Variants in MYRIP observed in about 807,000 individuals in gnomAD.
MYRIP encodes the protein rab effector MyRIP.
In MYRIP, 49 loss-of-function variants were observed where a neutral mutation model predicts 98.0. The ratio of observed to expected loss-of-function variants is 0.50; its 90% CI spans 0.40 to 0.63. MYRIP has a LOEUF of 0.63. Among genes scored for constraint, MYRIP ranks in the 30% least tolerant of loss-of-function variants. The pLI is 0.00. For synonymous variants in MYRIP, 404 were observed against 409.5 expected (o/e 0.99, Z 0.16); for missense variants, 1,004 against 1,058.2 (o/e 0.95, Z 0.71).
intron 2 of MYRIP, among the ~76,000 whole-genome samples, chr3:40,001,902 C>T (rs1170619867): frequency 6.6e-6 from 1 of 152,148 alleles, no homozygotes. Context: ...ACTGGTTAGA[C>T]ATCGTGGGTG....
intron 2 of MYRIP, among the ~76,000 whole-genome samples, chr3:40,004,926 C>G (rs1946600272): frequency 6.6e-6 from 1 of 152,082 alleles, no homozygotes; most frequent in Non-Finnish European, 1.5e-5. Flanking sequence ...GTTCTTCAAC[C>G]CTTGCCCCCT....
chr3:40,205,516 G>A (rs1389165062), intron 10 of MYRIP, among the ~76,000 whole-genome samples: 3 of 152,114 alleles, frequency 2.0e-5, no homozygotes, highest in Non-Finnish European at 4.4e-5. Context: ...ATAAGGTGGG[G>A]AGTTTGAGAC....
intron 2 of MYRIP, among the ~76,000 whole-genome samples, chr3:39,989,351 T>C (rs1477759169): frequency 6.6e-6 from 1 of 152,158 alleles, no homozygotes; most frequent in East Asian, 1.9e-4. Flanking sequence ...TTCATTCCCA[T>C]GCCTGGAGAT....
In MYRIP at chr3:40,009,237, C is replaced by CTTTT. The variant is rs553315704; in HGVS notation, c.111-34799_111-34796dup. On this transcript the variant is annotated intron_variant, in intron 2 of 16. Coordinates refer to ENST00000302541, the MANE Select transcript of MYRIP (RefSeq NM_015460.4). ...GTGGAGGGATGACAAACTGCTACTT[C>CTTTT]TTTTTTTTTTTTTTTTTGAGACGGA... Among the ~76,000 whole-genome samples the CTTTT allele has an allele frequency of 4.4e-3, 609 of 139,216 alleles. 12 individuals are homozygous for CTTTT. The highest frequency in any genetic ancestry group is 0.015 in the African/African-American group (565 of 37,328). The allele number at this position is 139,216 out of a possible 152,430, so 91.3% of individuals were successfully genotyped here.
chr3:40,060,851 C>T (rs778892346), intron 3 of MYRIP, among the ~76,000 whole-genome samples: 1 of 152,082 alleles, frequency 6.6e-6, no homozygotes, highest in Non-Finnish European at 1.5e-5. Context: ...CCTCGGCCTC[C>T]CAAAGTGCTG....
chr3:40,201,996 T>C (rs1211023020), intron 10 of MYRIP, among the ~76,000 whole-genome samples: 2 of 152,160 alleles, frequency 1.3e-5, no homozygotes, highest in African/African-American at 4.8e-5. Flanking sequence ...TGAACAGCTG[T>C]GCCAAAGGAT....
chr3:40,025,996 G>A (rs1398845288), intron 2 of MYRIP, among the ~76,000 whole-genome samples: 2 of 152,120 alleles, frequency 1.3e-5, no homozygotes, highest in African/African-American at 4.8e-5. Flanking sequence ...TTCGAGAGCA[G>A]AGAACCAGTC....
chr3:39,867,441 C>T (rs1942658235), intron 1 of MYRIP, among the ~76,000 whole-genome samples: 1 of 151,538 alleles, frequency 6.6e-6, no homozygotes, highest in South Asian at 2.1e-4. Flanking sequence ...TTTTAATATC[C>T]AAAAATATAA....
intron 2 of MYRIP, among the ~76,000 whole-genome samples, chr3:40,038,096 G>A (rs1037583117): frequency 5.3e-5 from 8 of 150,724 alleles, no homozygotes; most frequent in Admixed American, 4.0e-4. Flanking sequence ...TGAATACCAA[G>A]GAATTTATTT....
chr3:39,990,818 C>T (rs1413226211), intron 2 of MYRIP, among the ~76,000 whole-genome samples: 1 of 152,166 alleles, frequency 6.6e-6, no homozygotes. Flanking sequence ...TTTGCAGGCA[C>T]ATGGCAAACT....
At chr3:40,109,132 T>A (rs1949109764) in intron 3 of MYRIP, among the ~76,000 whole-genome samples, 2 of 152,210 alleles carry the variant, frequency 1.3e-5, no homozygotes, top group African/African-American at 4.8e-5. Context: ...CTTTTTTTTA[T>A]TATTATACTT....
At chr3:40,203,704 T>TTTTATATATTTTTATATA (rs1951640383) in intron 10 of MYRIP, among the ~76,000 whole-genome samples, 2 of 124,168 alleles carry the variant, frequency 1.6e-5, no homozygotes, top group South Asian at 4.7e-4. Context: ...TATTTTTATA[T>TTTTATATATTTTTATATA]TTTATATATT....
chr3:40,010,704 C>T (rs1229831671), intron 2 of MYRIP, among the ~76,000 whole-genome samples: 2 of 152,160 alleles, frequency 1.3e-5, no homozygotes, highest in African/African-American at 2.4e-5. Flanking sequence ...TATGGTTGCT[C>T]TAAGCTGCCA....
intron 3 of MYRIP, among the ~76,000 whole-genome samples, chr3:40,059,977 C>T (rs942674735): frequency 6.6e-6 from 1 of 152,116 alleles, no homozygotes. Flanking sequence ...ATGGGTTGGG[C>T]CCTTACAGTG....
intron 1 of MYRIP, among the ~76,000 whole-genome samples, chr3:39,817,826 T>C (rs1230075014): frequency 2.0e-5 from 3 of 152,194 alleles, no homozygotes; most frequent in East Asian, 1.9e-4. Flanking sequence ...TGTATCCTCT[T>C]GTTTTTTTCC....
intron 1 of MYRIP, among the ~76,000 whole-genome samples, chr3:39,855,639 A>C (rs1942265055): frequency 6.6e-6 from 1 of 151,980 alleles, no homozygotes; most frequent in Admixed American, 6.6e-5. Context: ...TGGTAGCAGG[A>C]GGCTTCACCC....
chr3:40,027,430 TC>T (rs1947158239), intron 2 of MYRIP, among the ~76,000 whole-genome samples: 1 of 151,924 alleles, frequency 6.6e-6, no homozygotes, highest in Non-Finnish European at 1.5e-5. Flanking sequence ...TCCTCCTGTC[TC>T]CCCCCAATAC....
At chr3:39,887,051 A>T (rs1943325661) in intron 1 of MYRIP, among the ~76,000 whole-genome samples, 4 of 151,986 alleles carry the variant, frequency 2.6e-5, no homozygotes, top group Admixed American at 2.6e-4. Context: ...AAAACCACTC[A>T]ACTACATGGA....
At chr3:40,098,236 T>C (rs1948868223) in intron 3 of MYRIP, among the ~76,000 whole-genome samples, 1 of 152,220 alleles carries the variant, frequency 6.6e-6, no homozygotes, top group Non-Finnish European at 1.5e-5. Flanking sequence ...TTTCTTTCCA[T>C]TTTTTAAGAA....
Sources: allele counts gnomAD v4.1 joint callset (sites outside exome capture counted in the v4.1 genomes callset), GRCh38; gene constraint gnomAD v4.1.1; transcripts MANE v1.5; gene names NCBI Gene and HGNC (gene_info 2026-07-23, HGNC 2026-07-21).